The following RPS6KA6 variants were observed in gnomAD, a reference collection of about 807,000 sequenced individuals.
RPS6KA6 encodes the protein ribosomal protein S6 kinase alpha-6.
Under a neutral mutation model 65.4 loss-of-function variants are expected in RPS6KA6, and 27 were observed. The observed-to-expected ratio is 0.41, with a 90% confidence interval of 0.30 to 0.57. The LOEUF (loss-of-function observed/expected upper bound fraction) is 0.57, where lower values mean the gene tolerates loss of function less well. Among genes scored for constraint, RPS6KA6 ranks in the 20% least tolerant of loss-of-function variants. The probability of loss-of-function intolerance (pLI) is 0.24; values close to 1 mark genes in which losing one functional copy is unlikely to be tolerated. For synonymous variants in RPS6KA6, 190 were observed against 184.2 expected, an observed-to-expected ratio of 1.03 and a Z score of -0.26; for missense variants, 486 against 555.6, an observed-to-expected ratio of 0.87 and a Z score of 1.26.
In RPS6KA6 at chrX:84,059,677, T is replaced by A. The variant is rs1315946807; in HGVS notation, c.*4600A>T. The A allele has an allele frequency of 8.9e-6, 1 of 111,891 alleles. No individual in the cohort carries two copies. Among genetic ancestry groups the A allele is most frequent in the Non-Finnish European group, 1.9e-5 (1 of 53,207 alleles). The allele number at this position is 111,891 out of a possible 1,213,427, so 9.2% of individuals were successfully genotyped here. On this transcript the variant is annotated 3_prime_UTR_variant, in exon 22 of 22. Transcript: ENST00000262752. ...CTATAATTGTCCACGTAAAATTAAA[T>A]GCTTAATACCTTTTGAAGAATAAAT... is the stretch of plus-strand genomic sequence containing the variant.
intron 12 of RPS6KA6, among the ~76,000 whole-genome samples, chrX:84,114,880 T>C (rs1333016033): frequency 9.0e-6 from 1 of 111,698 alleles, no homozygotes; most frequent in African/African-American, 3.3e-5. Context: ...ATTCAACACA[T>C]GGTATTGGGA....
chrX:84,075,693 T>C (rs1011486180), intron 20 of RPS6KA6, among the ~76,000 whole-genome samples: 1 of 109,776 alleles, frequency 9.1e-6, no homozygotes, highest in African/African-American at 3.3e-5. Context: ...AGATTTCCTG[T>C]CAGAAAAAAA....
intron 20 of RPS6KA6, among the ~76,000 whole-genome samples, chrX:84,069,310 G>C (rs1417994403): frequency 9.0e-6 from 1 of 111,609 alleles, no homozygotes; most frequent in Non-Finnish European, 1.9e-5. Flanking sequence ...ACAAGCAATG[G>C]GGAAAGGATC....
chrX:84,141,908 T>C (rs181376930), intron 6 of RPS6KA6, among the ~76,000 whole-genome samples: 4 of 111,463 alleles, frequency 3.6e-5, no homozygotes, highest in Admixed American at 2.9e-4. Context: ...AGAAGAAATA[T>C]ACAAATTCAT....
chrX:84,107,814 G>T (rs955043724), intron 12 of RPS6KA6, 89 bp from the exon 13 acceptor site: 28 of 404,440 alleles, frequency 6.9e-5, no homozygotes, highest in South Asian at 5.0e-4. Context: ...AATATTCACA[G>T]TCCATAATAG....
chrX:84,104,924 G>T (rs1357881811), intron 16 of RPS6KA6, among the ~76,000 whole-genome samples: 2 of 110,207 alleles, frequency 1.8e-5, no homozygotes, highest in East Asian at 2.8e-4. Context: ...ATCAAAGAAA[G>T]AAATTAAAAA....
chrX:84,128,653 G>C (rs1253058333), intron 8 of RPS6KA6, among the ~76,000 whole-genome samples: 1 of 111,459 alleles, frequency 9.0e-6, no homozygotes, highest in African/African-American at 3.3e-5. Context: ...CAGAAACATA[G>C]AACAGGGAAC....
chrX:84,181,359 T>C (rs966165325), intron 1 of RPS6KA6, among the ~76,000 whole-genome samples: 1 of 111,655 alleles, frequency 9.0e-6, no homozygotes, highest in Admixed American at 9.5e-5. Flanking sequence ...TACTAAATTT[T>C]GTTTTTAATG....
intron 12 of RPS6KA6, among the ~76,000 whole-genome samples, chrX:84,110,029 G>A (rs1361666376): frequency 9.0e-6 from 1 of 111,533 alleles, no homozygotes; most frequent in Non-Finnish European, 1.9e-5. Flanking sequence ...GAAAGCAGAA[G>A]CATTACCCAT....
At chrX:84,079,486 C>T (rs755996386) in intron 20 of RPS6KA6, among the ~76,000 whole-genome samples, 29 of 109,273 alleles carry the variant, frequency 2.7e-4, no homozygotes, top group African/African-American at 9.7e-4. Flanking sequence ...ACTATTCACT[C>T]CCCTGGAAAG....
At chrX:84,087,036 T>C (rs758639126) in intron 20 of RPS6KA6, among the ~76,000 whole-genome samples, 4 of 111,243 alleles carry the variant, frequency 3.6e-5, no homozygotes, top group Non-Finnish European at 7.6e-5. Context: ...TTATTCTGCG[T>C]CTCTGTGTGT....
At chrX:84,123,565 C>T (rs2034718948) in intron 8 of RPS6KA6, among the ~76,000 whole-genome samples, 1 of 112,545 alleles carries the variant, frequency 8.9e-6, no homozygotes, top group Non-Finnish European at 1.9e-5. Context: ...CTGCTATGGG[C>T]TGCTGGTGCT....
chrX:84,181,025 T>C (rs1964823005), intron 1 of RPS6KA6, among the ~76,000 whole-genome samples: 1 of 111,917 alleles, frequency 8.9e-6, no homozygotes, highest in African/African-American at 3.2e-5. Flanking sequence ...TCATGCTCAA[T>C]AAACGCTATT....
intron 20 of RPS6KA6, among the ~76,000 whole-genome samples, chrX:84,095,007 A>G (rs2034125231): frequency 1.8e-5 from 2 of 112,266 alleles, no homozygotes; most frequent in African/African-American, 6.5e-5. Context: ...TGAATTTTGG[A>G]GTTATAAGGA....
intron 8 of RPS6KA6, among the ~76,000 whole-genome samples, chrX:84,133,844 A>G (rs1034308582): frequency 8.9e-6 from 1 of 111,739 alleles, no homozygotes; most frequent in African/African-American, 3.2e-5. Context: ...TACATGAAAA[A>G]GATAATCAGG....
At position 84,135,158 on chromosome X, in the gene RPS6KA6, G is replaced by C. The variant is rs1207039844; in HGVS notation, c.554C>G (p.Ala185Gly). 1 of 1,206,853 alleles carries C rather than the reference G, an allele frequency of 8.3e-7. No individual in the cohort carries two copies. The highest frequency in any genetic ancestry group is 3.0e-5 in the East Asian group (1 of 33,640). The change falls in exon 7 of 22, where the codon GCT (alanine) becomes GGT (glycine). Residue 185 changes from alanine (A) to glycine (G), a missense_variant. Coordinates refer to ENST00000262752, the MANE Select transcript of RPS6KA6 (RefSeq NM_014496.5). ...VKFYLAELAL[A>G]LDHLHQLGIV... The stretch of plus-strand genomic sequence containing the variant: ...TCCTAATTGGTGCAGATGATCCAAA[G>C]CAAGGGCCAGTTCTGCGAGGTAGAA...
Position 84,060,990 on chromosome X carries a change from GAGGA to G in RPS6KA6, c.*3283_*3286del, listed in dbSNP as rs2033293976. The G allele has an allele frequency of 8.9e-6, 1 of 112,445 alleles. No individual in the cohort carries two copies. Among genetic ancestry groups the G allele is most frequent in the African/African-American group, 3.2e-5 (1 of 30,962 alleles). 9.3% of individuals were successfully genotyped at this position (112,445 alleles called of 1,213,427 possible). On this transcript the variant is annotated 3_prime_UTR_variant, in exon 22 of 22. Transcript: ENST00000262752. ...GATATCCTGATTTGGGGAAGAGGAAGAGGAAGGAACAAGGAGTAAGGATCACACA... is the reference window on the plus strand; with the variant it reads ...GATATCCTGATTTGGGGAAGAGGAAGAGGAACAAGGAGTAAGGATCACACA...
chrX:84,156,669 G>A (rs1321191601), intron 2 of RPS6KA6, among the ~76,000 whole-genome samples: 1 of 111,544 alleles, frequency 9.0e-6, no homozygotes, highest in African/African-American at 3.3e-5. Flanking sequence ...AACTGGCAAA[G>A]ACCAACAAAA....
chrX:84,117,251 C>A, intron 10 of RPS6KA6, 103 bp from the exon 11 acceptor site: 1 of 670,401 alleles, frequency 1.5e-6, no homozygotes, highest in South Asian at 3.2e-5. Flanking sequence ...AGGGTACAGT[C>A]CTGTATATGG....
Sources: gnomAD v4.1 joint callset for allele counts (sites outside exome capture counted in the v4.1 genomes callset) on GRCh38, gnomAD v4.1.1 for gene constraint, MANE v1.5 for transcripts, NCBI Gene and HGNC (gene_info 2026-07-23, HGNC 2026-07-21) for gene names.